Variants in PRKG1 observed in about 807,000 individuals in gnomAD.
PRKG1 encodes the protein protein kinase cGMP-dependent 1.
PRKG1 carries 35 observed loss-of-function variants against 88.1 expected under a neutral mutation model. That is an observed-to-expected ratio of 0.40 (90% confidence interval 0.30 to 0.53). The LOEUF is 0.53. Ranked by LOEUF, PRKG1 falls within the 20% of genes least tolerant of loss-of-function variation. The pLI is 0.59. For missense variants in PRKG1, 540 were observed against 839.8 expected (o/e 0.64, Z 4.41); for synonymous variants, 303 against 292.5 (o/e 1.04, Z -0.37).
At chr10:52,010,440 A>G (rs1026723240) in intron 5 of PRKG1, among the ~76,000 whole-genome samples, 6 of 152,164 alleles carry the variant, frequency 3.9e-5, no homozygotes, top group Admixed American at 1.3e-4. Flanking sequence ...GCCAATACGC[A>G]TATAAAAAAT....
intron 3 of PRKG1, among the ~76,000 whole-genome samples, chr10:51,787,043 T>A (rs1001800427): frequency 6.6e-6 from 1 of 152,156 alleles, no homozygotes; most frequent in Non-Finnish European, 1.5e-5. Context: ...TGGTTAAAAT[T>A]ATGTGATATG....
intron 2 of PRKG1, among the ~76,000 whole-genome samples, chr10:51,465,324 G>T (rs1839875353): frequency 6.6e-6 from 1 of 152,118 alleles, no homozygotes; most frequent in Non-Finnish European, 1.5e-5. Flanking sequence ...TGGCCCATAG[G>T]TTTCTTTCTA....
chr10:52,205,049 G>A (rs1454835669), intron 9 of PRKG1, among the ~76,000 whole-genome samples: 1 of 152,118 alleles, frequency 6.6e-6, no homozygotes, highest in Non-Finnish European at 1.5e-5. Flanking sequence ...TTATGCAGAT[G>A]TAGATAGGGA....
At chr10:51,504,589 CT>C (rs1841139004) in intron 3 of PRKG1, among the ~76,000 whole-genome samples, 2 of 152,138 alleles carry the variant, frequency 1.3e-5, no homozygotes, top group South Asian at 4.1e-4. Context: ...GATATTGATT[CT>C]TCCTATCCAT....
intron 3 of PRKG1, among the ~76,000 whole-genome samples, chr10:51,471,597 G>T (rs1840050906): frequency 6.6e-6 from 1 of 151,838 alleles, no homozygotes; most frequent in African/African-American, 2.4e-5. Flanking sequence ...TAACAAAAAT[G>T]GAGAAGTTGA....
intron 3 of PRKG1, among the ~76,000 whole-genome samples, chr10:51,680,287 TA>T (rs142604843): frequency 0.021 from 3,023 of 144,630 alleles, 62 homozygotes; most frequent in African/African-American, 0.057. Context: ...TAAAGTATAA[TA>T]AAAAAAAAAA....
intron 2 of PRKG1, among the ~76,000 whole-genome samples, chr10:51,356,316 A>C (rs1321073999): frequency 6.6e-6 from 1 of 151,950 alleles, no homozygotes; most frequent in Non-Finnish European, 1.5e-5. Flanking sequence ...TGATTCAAAC[A>C]ATTGTATATG....
intron 7 of PRKG1, among the ~76,000 whole-genome samples, chr10:52,063,096 G>T (rs998182928): frequency 2.0e-5 from 3 of 152,122 alleles, no homozygotes; most frequent in Non-Finnish European, 4.4e-5. Context: ...TTTTGCTTGG[G>T]CCCATTGGGC....
At chr10:51,203,584 AC>A (rs1252352495) in intron 2 of PRKG1, among the ~76,000 whole-genome samples, 1 of 152,110 alleles carries the variant, frequency 6.6e-6, no homozygotes, top group African/African-American at 2.4e-5. Context: ...CCCCTGTAAT[AC>A]CCTCAAACAG....
chr10:51,502,423 A>T (rs1450873542), intron 3 of PRKG1, among the ~76,000 whole-genome samples: 1 of 152,138 alleles, frequency 6.6e-6, no homozygotes, highest in Non-Finnish European at 1.5e-5. Flanking sequence ...TGAAAATAAC[A>T]TTTTTCTGTC....
intron 3 of PRKG1, among the ~76,000 whole-genome samples, chr10:51,514,016 T>C (rs1302360179): frequency 3.2e-5 from 4 of 126,516 alleles, no homozygotes; most frequent in African/African-American, 5.8e-5. Context: ...CTGAAGGAAA[T>C]AGAGACACAA....
intron 3 of PRKG1, among the ~76,000 whole-genome samples, chr10:51,546,738 A>G (rs1417069866): frequency 6.6e-6 from 1 of 152,046 alleles, no homozygotes; most frequent in Non-Finnish European, 1.5e-5. Flanking sequence ...CAGAAATCTC[A>G]TCCTACTTAT....
intron 9 of PRKG1, among the ~76,000 whole-genome samples, chr10:52,204,109 T>TTATTA (rs1554817013): frequency 1.3e-5 from 1 of 77,666 alleles, no homozygotes. Context: ...TATTATTATT[T>TTATTA]TTTGTTTTTG....
chr10:51,557,067 C>A (rs891973334), intron 3 of PRKG1, among the ~76,000 whole-genome samples: 4 of 151,976 alleles, frequency 2.6e-5, no homozygotes, highest in African/African-American at 9.7e-5. Flanking sequence ...CTCCCCCAAT[C>A]CCACACACAT....
chr10:51,003,940 A>G (rs923972643), intron 1 of PRKG1, among the ~76,000 whole-genome samples: 22 of 152,086 alleles, frequency 1.4e-4, no homozygotes, highest in African/African-American at 3.6e-4. Flanking sequence ...GTATTCATGT[A>G]CCTCAGCTTA....
chr10:51,079,730 C>T (rs1397443160), intron 1 of PRKG1, among the ~76,000 whole-genome samples: 1 of 151,910 alleles, frequency 6.6e-6, no homozygotes, highest in African/African-American at 2.4e-5. Context: ...AATAGTTACC[C>T]ACTAATGCAG....
intron 1 of PRKG1, among the ~76,000 whole-genome samples, chr10:51,009,305 CAATTA>C (rs1395621720): frequency 6.6e-6 from 1 of 152,086 alleles, no homozygotes; most frequent in Non-Finnish European, 1.5e-5. Flanking sequence ...CTTTAAATGC[CAATTA>C]AATTATACAT....
chr10:51,545,075 G>A (rs7097671), intron 3 of PRKG1, among the ~76,000 whole-genome samples: 140,738 of 152,006 alleles, frequency 0.93, 65,240 homozygotes, highest in East Asian at 1. Flanking sequence ...GTTGCCAGAT[G>A]TGACTCATAT....
intron 1 of PRKG1, among the ~76,000 whole-genome samples, chr10:50,998,753 A>G (rs1183242493): frequency 3.8e-5 from 4 of 103,988 alleles, no homozygotes; most frequent in Non-Finnish European, 8.2e-5. Context: ...CTCCATCTCA[A>G]AAAACAAAAT....
Sources: gnomAD v4.1 joint callset for allele counts (sites outside exome capture counted in the v4.1 genomes callset) on GRCh38, gnomAD v4.1.1 for gene constraint, MANE v1.5 for transcripts, NCBI Gene and HGNC (gene_info 2026-07-23, HGNC 2026-07-21) for gene names.